Variants in TCF7L2 observed in about 807,000 individuals in gnomAD.
TCF7L2 encodes the protein transcription factor 7-like 2.
A neutral mutation model predicts 77.9 loss-of-function variants in TCF7L2; 23 were observed. That is an observed-to-expected ratio of 0.30 (90% CI 0.21 to 0.42). TCF7L2 has a LOEUF of 0.42. TCF7L2 is among the 10% of genes least tolerant of loss of function. TCF7L2 has a pLI of 1.00. For synonymous variants in TCF7L2, 413 were observed against 340.2 expected (o/e 1.21, Z -2.36); for missense variants, 654 against 793.1 (o/e 0.82, Z 2.11).
intron 4 of TCF7L2, among the ~76,000 whole-genome samples, chr10:112,971,944 G>A (rs948848351): frequency 1.1e-4 from 16 of 150,786 alleles, no homozygotes; most frequent in African/African-American, 3.2e-4. Flanking sequence ...TTTTTGAAGC[G>A]GAGTCTCGCT....
At position 113,141,186 on chromosome 10, in the gene TCF7L2, T is replaced by C. The variant is rs1370624084; in HGVS notation, c.555T>C (p.Ser185=). 6 of 1,614,072 alleles carry C rather than the reference T, an allele frequency of 3.7e-6. No individual in the cohort carries two copies. Among genetic ancestry groups the C allele is most frequent in the Non-Finnish European group, 5.1e-6 (6 of 1,179,982 alleles). ...TTTCTCTGTTCTCCTCCCCACAGTC[T>C]AACAAAGTGCCAGTGGTGCAGCACC... The change falls in exon 6 of 14, where the codon TCT becomes TCC. Residue 185 remains serine, a splice_region_variant and synonymous_variant. Transcript: ENST00000627217.
chr10:112,988,153 G>A (rs1377955397), intron 4 of TCF7L2, among the ~76,000 whole-genome samples: 1 of 151,668 alleles, frequency 6.6e-6, no homozygotes, highest in Non-Finnish European at 1.5e-5. Flanking sequence ...CCAGGCTGGA[G>A]TACAGTGGCT....
rs140080462 is a variant in TCF7L2 at position 113,047,936 on chromosome 10, C to G, written c.552+7810C>G. On this transcript the variant is annotated intron_variant, in intron 5 of 13. Coordinates refer to ENST00000627217, the MANE Select transcript of TCF7L2 (RefSeq NM_001146274.2). ...GGCTAGCGTTTCCTGACATTTGTTT[C>G]GCTGAATGTTAACAAGGTTACTGGA... is the stretch of plus-strand genomic sequence containing the variant. Among the ~76,000 whole-genome samples, 3 of 152,186 alleles carry G rather than the reference C, an allele frequency of 2.0e-5. No individual in the cohort carries two copies. In the East Asian group the frequency reaches 5.8e-4, roughly 29 times the overall value.
intron 5 of TCF7L2, among the ~76,000 whole-genome samples, chr10:113,062,647 C>T (rs1343933344): frequency 6.6e-6 from 1 of 151,948 alleles, no homozygotes; most frequent in African/African-American, 2.4e-5. Context: ...ATAGTTTAGT[C>T]TTTCTAGGCC....
chr10:113,166,000 G>GT lies in TCF7L2; in HGVS notation c.*31dup. 1 of 1,436,330 alleles carries GT rather than the reference G, an allele frequency of 7.0e-7. No homozygotes were observed. Among genetic ancestry groups the GT allele is most frequent in the Non-Finnish European group, 9.2e-7 (1 of 1,090,512 alleles). The allele number at this position is 1,436,330 out of a possible 1,614,324, so 89.0% of individuals were successfully genotyped here. A position where few individuals can be genotyped will look rare whatever the true frequency, so the allele number is the denominator to read the frequency against. On this transcript the variant is annotated 3_prime_UTR_variant, in exon 14 of 14. Coordinates refer to ENST00000627217, the MANE Select transcript of TCF7L2 (RefSeq NM_001146274.2). ...TTAGCGTCGTGAACCCCGCTGCTTT[G>GT]TTTATGGTTTTGTTTCACTTTTCTT...
chr10:112,974,055 A>G (rs1033214530), intron 4 of TCF7L2, among the ~76,000 whole-genome samples: 3 of 152,368 alleles, frequency 2.0e-5, no homozygotes, highest in South Asian at 2.1e-4. Context: ...CAGTGCAGCT[A>G]TCTTTCAACA....
At chr10:113,101,217 C>T (rs1399518700) in intron 5 of TCF7L2, among the ~76,000 whole-genome samples, 3 of 152,098 alleles carry the variant, frequency 2.0e-5, no homozygotes, top group African/African-American at 7.2e-5. Context: ...ATGATAAAGT[C>T]ATAATTCCTG....
intron 5 of TCF7L2, among the ~76,000 whole-genome samples, chr10:113,121,023 G>GA (rs2064678533): frequency 6.6e-6 from 1 of 152,180 alleles, no homozygotes; most frequent in Non-Finnish European, 1.5e-5. Flanking sequence ...CAAAAGCAAA[G>GA]AGGGAGTATG....
At chr10:113,083,988 T>C (rs781213673) in intron 5 of TCF7L2, among the ~76,000 whole-genome samples, 12 of 152,190 alleles carry the variant, frequency 7.9e-5, no homozygotes, top group Non-Finnish European at 2.9e-5. Flanking sequence ...AAGAAAATCA[T>C]AAAGAATTAA....
At chr10:113,159,700 G>A (rs2072719948) in intron 12 of TCF7L2, among the ~76,000 whole-genome samples, 1 of 151,406 alleles carries the variant, frequency 6.6e-6, no homozygotes, top group Admixed American at 6.6e-5. Context: ...GAATAAGAAT[G>A]TGACTTTTAC....
intron 1 of TCF7L2, 104 bp downstream of exon 1, chr10:112,951,049 C>A: frequency 1.4e-6 from 2 of 1,434,538 alleles, no homozygotes; most frequent in African/African-American, 1.5e-5. Flanking sequence ...CGGCGGGGCC[C>A]GGCGGGCGGC....
chr10:112,966,205 TA>T (rs1227105370), intron 4 of TCF7L2, among the ~76,000 whole-genome samples: 48 of 140,238 alleles, frequency 3.4e-4, no homozygotes, highest in Non-Finnish European at 5.0e-4. Flanking sequence ...TATATATATA[TA>T]TATATTTTCT....
intron 4 of TCF7L2, among the ~76,000 whole-genome samples, chr10:113,001,763 G>A (rs113386031): frequency 4.6e-5 from 7 of 152,174 alleles, no homozygotes; most frequent in African/African-American, 1.7e-4. Context: ...TGTCTTGTGA[G>A]TGTTGAGTGA....
intron 5 of TCF7L2, among the ~76,000 whole-genome samples, chr10:113,078,044 A>T (rs1190670881): frequency 6.6e-6 from 1 of 151,636 alleles, no homozygotes; most frequent in Non-Finnish European, 1.5e-5. Context: ...CCAGGACTTT[A>T]TTCCTTTTAT....
intron 4 of TCF7L2, among the ~76,000 whole-genome samples, chr10:112,998,025 A>G (rs1053317632): frequency 6.6e-6 from 1 of 152,078 alleles, no homozygotes; most frequent in African/African-American, 2.4e-5. Flanking sequence ...GGTATATGGT[A>G]TCCCTGATTT....
rs2044327776 is a variant in TCF7L2 at position 113,000,810 on chromosome 10, A to G, written c.450+36186A>G. Among the ~76,000 whole-genome samples, 3 of 152,160 alleles carry G rather than the reference A, an allele frequency of 2.0e-5. No individual in the cohort carries two copies. In the South Asian group the frequency reaches 6.2e-4, roughly 32 times the overall value. On this transcript the variant is annotated intron_variant, in intron 4 of 13. Transcript: ENST00000627217. ...AAGACAGTGGCATCGGATTTACTGC[A>G]CTATTCCAGTCGGACAGGCACCTTA...
chr10:113,064,393 C>A (rs2056960807), intron 5 of TCF7L2, among the ~76,000 whole-genome samples: 1 of 152,138 alleles, frequency 6.6e-6, no homozygotes, highest in East Asian at 1.9e-4. Flanking sequence ...GTAGGCCAGG[C>A]TGAAAGCTTA....
In TCF7L2 at chr10:113,150,799, AT is replaced by A. The variant is rs1352069043; in HGVS notation, c.876-198del. Among the ~76,000 whole-genome samples, 18 of 152,354 alleles carry A rather than the reference AT, an allele frequency of 1.2e-4. 1 individual carries two copies. In the East Asian group the frequency reaches 2.9e-3, roughly 24 times the overall value. On this transcript the variant is annotated intron_variant, in intron 8 of 13. Transcript: ENST00000627217. ...ATAATGTCTTATGTCAGTAGCAATAATGAATTGGCTTTAATGACATTATGAG... is the reference window on the plus strand; with the variant it reads ...ATAATGTCTTATGTCAGTAGCAATAAGAATTGGCTTTAATGACATTATGAG...
At chr10:113,020,361 T>A (rs1042625361) in intron 4 of TCF7L2, among the ~76,000 whole-genome samples, 1 of 152,116 alleles carries the variant, frequency 6.6e-6, no homozygotes, top group Non-Finnish European at 1.5e-5. Flanking sequence ...CACCTCCCCC[T>A]CTCCTCACCC....
Sources: allele counts gnomAD v4.1 joint callset (sites outside exome capture counted in the v4.1 genomes callset), GRCh38; gene constraint gnomAD v4.1.1; transcripts MANE v1.5; gene names NCBI Gene and HGNC (gene_info 2026-07-23, HGNC 2026-07-21).